The following TNRC6A variants were observed in gnomAD, a reference collection of about 807,000 sequenced individuals.
TNRC6A encodes the protein trinucleotide repeat-containing gene 6A protein.
In TNRC6A, 44 loss-of-function variants were observed where a neutral mutation model predicts 221.2. That is an observed-to-expected ratio of 0.20 (90% CI 0.16 to 0.26). The LOEUF (loss-of-function observed/expected upper bound fraction) is 0.26, where lower values mean the gene tolerates loss of function less well. TNRC6A is among the 10% of genes least tolerant of loss of function. The pLI, the probability that TNRC6A is intolerant of heterozygous loss-of-function variation, is 1.00. For missense variants in TNRC6A, 2,199 were observed against 2,404.4 expected (o/e 0.91, Z 1.79); for synonymous variants, 847 against 838.5 (o/e 1.01, Z -0.18).
chr16:24,813,288 T>C (rs764179879), intron 18 of TNRC6A, among the ~76,000 whole-genome samples: 3 of 152,180 alleles, frequency 2.0e-5, no homozygotes, highest in Non-Finnish European at 2.9e-5. Context: ...GTAAGCCCAT[T>C]GCCCAAATAG....
chr16:24,678,183 C>T (rs1166538456), intron 2 of TNRC6A, among the ~76,000 whole-genome samples: 1 of 151,848 alleles, frequency 6.6e-6, no homozygotes, highest in African/African-American at 2.4e-5. Flanking sequence ...TAGTGGTGCA[C>T]ACCTGTAATC....
chr16:24,792,516 TTTG>T (rs1453607581), intron 6 of TNRC6A, among the ~76,000 whole-genome samples: 1 of 151,740 alleles, frequency 6.6e-6, no homozygotes, highest in Non-Finnish European at 1.5e-5. Context: ...CTAAGTATAG[TTTG>T]TTGTATTAAT....
chr16:24,818,440 G>A (rs540403888), intron 20 of TNRC6A, among the ~76,000 whole-genome samples, 153 bp from the exon 21 acceptor site: 13 of 152,370 alleles, frequency 8.5e-5, no homozygotes, highest in Admixed American at 4.6e-4. Context: ...TTGAAGGCAA[G>A]AAGGAAGATG....
rs755651320 is a variant in TNRC6A at position 24,806,680 on chromosome 16, A to G, written c.4436A>G (p.His1479Arg). ...CCACCATCTCAGCAGCAGCCACTCC[A>G]TCAGCCAGCCATGAAGTCTTTCCTT... is the stretch of plus-strand genomic sequence containing the variant. ...QTPPSQQQPL[H>R]QPAMKSFLDN... The change falls in exon 17 of 25, where the codon CAT becomes CGT. Residue 1479 changes from histidine (H) to arginine (R), a missense_variant. Transcript: ENST00000395799. The G allele has an allele frequency of 1.2e-6, 2 of 1,614,202 alleles. No individual in the cohort carries two copies. Among genetic ancestry groups the G allele is most frequent in the Middle Eastern group, 1.6e-4 (1 of 6,062 alleles).
chr16:24,729,770 G>T lies in TNRC6A; in HGVS notation c.-72G>T. On this transcript the variant is annotated 5_prime_UTR_variant, in exon 1 of 25. Coordinates refer to ENST00000395799, the MANE Select transcript of TNRC6A (RefSeq NM_014494.4). Reference sequence around the variant, plus strand: ...GGTGCAGCGGCTCGGGCCTCTCCCCGCGGCGCTGCGGAGGGCTTGAGGCTC... The same window carrying T: ...GGTGCAGCGGCTCGGGCCTCTCCCCTCGGCGCTGCGGAGGGCTTGAGGCTC... The T allele has an allele frequency of 7.3e-7, 1 of 1,371,446 alleles. No homozygotes were observed. The allele number at this position is 1,371,446 out of a possible 1,614,324, so 85.0% of individuals were successfully genotyped here.
chr16:24,714,884 T>A (rs994359395), intron 2 of TNRC6A, among the ~76,000 whole-genome samples: 1 of 151,556 alleles, frequency 6.6e-6, no homozygotes, highest in Non-Finnish European at 1.5e-5. Flanking sequence ...TTTTTGTTTT[T>A]TTTTTTTTCT....
chr16:24,818,052 A>T (rs897328005), intron 20 of TNRC6A, among the ~76,000 whole-genome samples: 3 of 152,080 alleles, frequency 2.0e-5, no homozygotes, highest in Non-Finnish European at 2.9e-5. Flanking sequence ...AGTAATCCAG[A>T]TGGTGGTCGG....
intron 1 of TNRC6A, among the ~76,000 whole-genome samples, chr16:24,610,726 A>C (rs1900007665): frequency 6.6e-6 from 1 of 151,876 alleles, no homozygotes; most frequent in African/African-American, 2.4e-5. Flanking sequence ...AGCCCATCTT[A>C]TTCCGAGCCT....
chr16:24,648,181 T>A (rs1348394787), intron 2 of TNRC6A, among the ~76,000 whole-genome samples: 1 of 152,154 alleles, frequency 6.6e-6, no homozygotes, highest in Non-Finnish European at 1.5e-5. Flanking sequence ...GAGTTCCTGC[T>A]TTCAGTTCTT....
intron 2 of TNRC6A, among the ~76,000 whole-genome samples, chr16:24,701,364 T>TTTC (rs1305924783): frequency 6.6e-6 from 1 of 150,966 alleles, no homozygotes; most frequent in African/African-American, 2.5e-5. Flanking sequence ...ACTAACTTTT[T>TTTC]TTTCTTTTTT....
At chr16:24,689,750 G>A (rs1461524383) in intron 2 of TNRC6A, among the ~76,000 whole-genome samples, 1 of 151,900 alleles carries the variant, frequency 6.6e-6, no homozygotes, top group Non-Finnish European at 1.5e-5. Flanking sequence ...GGTGACACAT[G>A]CTATGAGAAA....
At chr16:24,707,352 A>G (rs996655413) in intron 2 of TNRC6A, among the ~76,000 whole-genome samples, 9 of 28,826 alleles carry the variant, frequency 3.1e-4, no homozygotes, top group African/African-American at 1.5e-3. Context: ...ACATGGGCGC[A>G]CACACACACA....
intron 1 of TNRC6A, among the ~76,000 whole-genome samples, chr16:24,610,837 A>G (rs1317642042): frequency 6.6e-6 from 1 of 151,088 alleles, no homozygotes; most frequent in East Asian, 1.9e-4. Flanking sequence ...TTATGACAGA[A>G]TCTCGCTCCG....
In TNRC6A at chr16:24,825,845, G is replaced by A. The variant is rs2058850777; in HGVS notation, c.*2038G>A. On this transcript the variant is annotated 3_prime_UTR_variant, in exon 25 of 25. Transcript: ENST00000395799. The stretch of plus-strand genomic sequence containing the variant: ...AAGCGAGAAACGCCACACCCGGACT[G>A]GCCTTTTCTTCCCCCTTCACGGCCC... The A allele has an allele frequency of 6.5e-6, 1 of 152,682 alleles. No homozygotes were observed. The highest frequency in any genetic ancestry group is 1.5e-5 in the Non-Finnish European group (1 of 68,076). The allele number at this position is 152,682 out of a possible 1,614,324, so 9.5% of individuals were successfully genotyped here. A position where few individuals can be genotyped will look rare whatever the true frequency, so the allele number is the denominator to read the frequency against.
chr16:24,742,492 T>G (rs2056913089), intron 2 of TNRC6A, among the ~76,000 whole-genome samples: 1 of 152,172 alleles, frequency 6.6e-6, no homozygotes, highest in Non-Finnish European at 1.5e-5. Flanking sequence ...TGTTACAGTG[T>G]TAGTAAAGGC....
intron 4 of TNRC6A, among the ~76,000 whole-genome samples, chr16:24,767,076 A>G (rs1453705258): frequency 6.6e-6 from 1 of 152,196 alleles, no homozygotes; most frequent in Non-Finnish European, 1.5e-5. Context: ...TCTTTGTATA[A>G]TAAACTCATT....
chr16:24,729,757 C>A lies in TNRC6A; in HGVS notation c.-85C>A. ...AGAAAATGGCGCTGGTGCAGCGGCT[C>A]GGGCCTCTCCCCGCGGCGCTGCGGA... On this transcript the variant is annotated 5_prime_UTR_variant, in exon 1 of 25. Coordinates refer to ENST00000395799, the MANE Select transcript of TNRC6A (RefSeq NM_014494.4). 1 of 1,343,046 alleles carries A rather than the reference C, an allele frequency of 7.4e-7. No individual in the cohort carries two copies. Among genetic ancestry groups the A allele is most frequent in the Non-Finnish European group, 9.6e-7 (1 of 1,042,760 alleles). 83.2% of individuals were successfully genotyped at this position (1,343,046 alleles called of 1,614,324 possible). A position where few individuals can be genotyped will look rare whatever the true frequency, so the allele number is the denominator to read the frequency against.
At chr16:24,730,971 G>T (rs2056625529) in intron 2 of TNRC6A, among the ~76,000 whole-genome samples, 2 of 109,232 alleles carry the variant, frequency 1.8e-5, no homozygotes, top group African/African-American at 3.7e-5. Context: ...TCACCGTGAA[G>T]GGAGAATTTT....
At chr16:24,637,697 A>T (rs919999386) in intron 1 of TNRC6A, among the ~76,000 whole-genome samples, 4 of 152,202 alleles carry the variant, frequency 2.6e-5, no homozygotes, top group African/African-American at 7.2e-5. Context: ...CACACAACAC[A>T]ATACCAAGGA....
Sources: gnomAD v4.1 joint callset for allele counts (sites outside exome capture counted in the v4.1 genomes callset) on GRCh38, gnomAD v4.1.1 for gene constraint, MANE v1.5 for transcripts, NCBI Gene and HGNC (gene_info 2026-07-23, HGNC 2026-07-21) for gene names.